Variants in FCHSD1 observed in about 807,000 individuals in gnomAD.
FCHSD1 encodes the protein FCH and double SH3 domains 1.
A neutral mutation model predicts 101.3 loss-of-function variants in FCHSD1; 109 were observed. The observed-to-expected ratio is 1.08, with a 90% CI of 0.92 to 1.26. The LOEUF (loss-of-function observed/expected upper bound fraction) is 1.26. FCHSD1 is among the 50% of genes most tolerant of loss of function. FCHSD1 has a pLI of 0.00. For synonymous variants in FCHSD1, 291 were observed against 356.8 expected, an observed-to-expected ratio of 0.82 and a Z score of 2.08; for missense variants, 820 against 895.8, an observed-to-expected ratio of 0.92 and a Z score of 1.08.
chr5:141,642,335 TC>T, intron 18 of FCHSD1: 2 of 651,694 alleles, frequency 3.1e-6, no homozygotes, highest in Non-Finnish European at 5.4e-6. Context: ...AATAACAGAC[TC>T]CCAGGACTCC....
chr5:141,645,970 G>A (rs2154598409), intron 12 of FCHSD1, 38 bp from the exon 13 acceptor site: 1 of 1,547,638 alleles, frequency 6.5e-7, no homozygotes, highest in Non-Finnish European at 8.7e-7. Context: ...GAACCTGGCT[G>A]ACGGCAGTGT....
Position 141,640,328 on chromosome 5 carries a change from G to A in FCHSD1, c.*1170C>T, listed in dbSNP as rs758921383. On this transcript the variant is annotated 3_prime_UTR_variant, in exon 20 of 20. Coordinates refer to ENST00000435817, the MANE Select transcript of FCHSD1 (RefSeq NM_033449.3). ...AACACAGCCGGGACTGCACTGGGCT[G>A]GGCTCTTATTGCTCTCTACTCTGGG... 2 of 1,613,970 alleles carry A rather than the reference G, an allele frequency of 1.2e-6. No individual in the cohort carries two copies. Among genetic ancestry groups the A allele is most frequent in the Non-Finnish European group, 1.7e-6 (2 of 1,179,918 alleles).
chr5:141,640,964 A>G lies in FCHSD1; in HGVS notation c.*534T>C, dbSNP rs2099906815. On this transcript the variant is annotated 3_prime_UTR_variant, in exon 20 of 20. Transcript: ENST00000435817. ...CTGCCCGTGGTGGGCCCCTAAAGCA[A>G]TAGCACCGTAGGCCCCCTGCCCTCT... 6.2e-6 allele frequency: 3 copies of G among 487,662 alleles called. No individual in the cohort carries two copies. Among genetic ancestry groups the G allele is most frequent in the Non-Finnish European group, 7.2e-6 (2 of 276,654 alleles). The allele number at this position is 487,662 out of a possible 1,614,324, so 30.2% of individuals were successfully genotyped here.
chr5:141,651,204 G>C, intron 1 of FCHSD1, 87 bp from the exon 2 acceptor site: 1 of 1,489,136 alleles, frequency 6.7e-7, no homozygotes, highest in Admixed American at 2.0e-5. Context: ...CGGGGCCGGG[G>C]GGGTGCTGAG....
chr5:141,644,667 T>A lies in FCHSD1; in HGVS notation c.1548A>T (p.Val516=). The A allele has an allele frequency of 6.2e-7, 1 of 1,613,934 alleles. No homozygotes were observed. The change falls in exon 16 of 20, where the codon GTA becomes GTT. Residue 516 remains valine (V), a synonymous_variant. Transcript: ENST00000435817. ...WVKARNQHGE[V]GFVPERYLNF... is the part of the protein sequence containing the mutation. ...TGAGATATCGCTCAGGGACAAAGCC[T>A]ACCTCGCCGTGCTGGTTCCGAGCCT...
In FCHSD1 at chr5:141,640,849, TCTC is replaced by T. The variant is rs2099906792; in HGVS notation, c.*646_*648del. On this transcript the variant is annotated 3_prime_UTR_variant, in exon 20 of 20. Coordinates refer to ENST00000435817, the MANE Select transcript of FCHSD1 (RefSeq NM_033449.3). ...GAGAGGTCACAGCCCCTCAGTCTCTTCTCCTTCCCCTGCCTGCAACAGGCTGCC... is the reference window on the plus strand; with the variant it reads ...GAGAGGTCACAGCCCCTCAGTCTCTTCTTCCCCTGCCTGCAACAGGCTGCC... 3 of 609,094 alleles carry T rather than the reference TCTC, an allele frequency of 4.9e-6. No homozygotes were observed. The highest frequency in any genetic ancestry group is 8.5e-6 in the Non-Finnish European group (3 of 351,702). The allele number at this position is 609,094 out of a possible 1,614,324, so 37.7% of individuals were successfully genotyped here.
rs1398806224 is a variant in FCHSD1, at chr5:141,639,989, G to A, written c.*1509C>T. 5.0e-6 allele frequency: 8 copies of A among 1,613,788 alleles called. No homozygotes were observed. The highest frequency in any genetic ancestry group is 6.8e-6 in the Non-Finnish European group (8 of 1,179,860). On this transcript the variant is annotated 3_prime_UTR_variant, in exon 20 of 20. Coordinates refer to ENST00000435817, the MANE Select transcript of FCHSD1 (RefSeq NM_033449.3). The surrounding 1 kb of genome is among the most constrained non-coding windows in gnomAD (Gnocchi z 4.4). ...ACCGTGATGGCTCCCCCACAGACAG[G>A]AGCTGGGGCTCTGGTGGGGGACAGG...
At position 141,642,981 on chromosome 5, in the gene FCHSD1, T is replaced by G; in HGVS notation, c.1951+20A>C. On this transcript the variant is annotated intron_variant, in intron 18 of 19. Transcript: ENST00000435817. ...TTCCTGTCTGTTAGCCTCCCAAGGC[T>G]CCCAGTTCCTTCCACTCACCCCCAG... 6.4e-7 allele frequency: 1 copy of G among 1,553,582 alleles called. No homozygotes were observed. Among genetic ancestry groups the G allele is most frequent in the Non-Finnish European group, 8.7e-7 (1 of 1,148,840 alleles).
chr5:141,649,632 G>A lies in FCHSD1; in HGVS notation c.234-96C>T, dbSNP rs1218155223. ...CCCCTGACCAACACCATGGGAGACA[G>A]AGTGCTTTCCCATCCTCCCTTGTCT... On this transcript the variant is annotated intron_variant, in intron 4 of 19. Coordinates refer to ENST00000435817, the MANE Select transcript of FCHSD1 (RefSeq NM_033449.3). The surrounding 1 kb of genome is among the most constrained non-coding windows in gnomAD (Gnocchi z 4.1). 3 of 1,460,566 alleles carry A rather than the reference G, an allele frequency of 2.1e-6. No homozygotes were observed. The African/African-American group carries it at 4.2e-5, about 21-fold the overall frequency. 90.5% of individuals were successfully genotyped at this position (1,460,566 alleles called of 1,614,324 possible). A position where few individuals can be genotyped will look rare whatever the true frequency, so the allele number is the denominator to read the frequency against.
In FCHSD1 at chr5:141,644,210, A is replaced by G. The variant is rs766598004; in HGVS notation, c.1863+8T>C. 3.7e-6 allele frequency: 6 copies of G among 1,605,900 alleles called. No homozygotes were observed. Among genetic ancestry groups the G allele is most frequent in the Non-Finnish European group, 4.3e-6 (5 of 1,176,432 alleles). ...GCCTGGGGAGTTCAGGGAGAAGGTA[A>G]GCCTCACCTGTTCAGGGTCAGAGAG... On this transcript the variant is annotated splice_region_variant and intron_variant, in intron 17 of 19. Coordinates refer to ENST00000435817, the MANE Select transcript of FCHSD1 (RefSeq NM_033449.3).
chr5:141,644,139 A>C (rs919178125), intron 17 of FCHSD1, 79 bp downstream of exon 17: 14 of 1,329,298 alleles, frequency 1.1e-5, no homozygotes, highest in Non-Finnish European at 1.4e-5. Context: ...GGAGGCATTA[A>C]GATGAATATG....
At position 141,649,624 on chromosome 5, in the gene FCHSD1, G is replaced by A. The variant is rs904629481; in HGVS notation, c.234-88C>T. ...CCCCCTGCCCCCTGACCAACACCAT[G>A]GGAGACAGAGTGCTTTCCCATCCTC... On this transcript the variant is annotated intron_variant, in intron 4 of 19. Coordinates refer to ENST00000435817, the MANE Select transcript of FCHSD1 (RefSeq NM_033449.3). This position sits in a 1 kb window ranked among gnomAD's most constrained non-coding sequence, Gnocchi z 4.1. 5.4e-6 allele frequency: 8 copies of A among 1,485,516 alleles called. No individual in the cohort carries two copies. The highest frequency in any genetic ancestry group is 2.2e-5 in the Admixed American group (1 of 45,150). 92.0% of individuals were successfully genotyped at this position (1,485,516 alleles called of 1,614,324 possible). A position where few individuals can be genotyped will look rare whatever the true frequency, so the allele number is the denominator to read the frequency against.
chr5:141,647,318 G>A (rs2099907778), intron 9 of FCHSD1, 80 bp downstream of exon 9: 3 of 1,564,560 alleles, frequency 1.9e-6, no homozygotes, highest in African/African-American at 1.4e-5. Flanking sequence ...AAAGGACAAT[G>A]TGTGAAGCAA....
Position 141,649,022 on chromosome 5 carries a change from T to C in FCHSD1, c.513-2A>G, listed in dbSNP as rs1417864475. Reference sequence around the variant, plus strand: ...ATCCCATGGTCACTTCGGTTTAGCCTGTGCAGATGAGAGAAAGGAGTCAGG... The same window carrying C: ...ATCCCATGGTCACTTCGGTTTAGCCCGTGCAGATGAGAGAAAGGAGTCAGG... On this transcript the variant is annotated splice_acceptor_variant, in intron 6 of 19. Transcript: ENST00000435817. LOFTEE classifies it high-confidence loss of function. This position sits in a 1 kb window ranked among gnomAD's most constrained non-coding sequence, Gnocchi z 4.1. 4.3e-6 allele frequency: 7 copies of C among 1,613,886 alleles called. No individual in the cohort carries two copies. The African/African-American group carries it at 9.3e-5, about 22-fold the overall frequency.
intron 7 of FCHSD1, 71 bp downstream of exon 7, chr5:141,648,886 C>T: frequency 6.4e-7 from 1 of 1,561,452 alleles, no homozygotes; most frequent in East Asian, 2.2e-5. Context: ...ACATATGCAC[C>T]TATGTTCCAA....
intron 9 of FCHSD1, 22 bp from the exon 10 acceptor site, chr5:141,647,252 A>C (rs1298070802): frequency 1.9e-6 from 3 of 1,591,650 alleles, no homozygotes; most frequent in Non-Finnish European, 2.6e-6. Flanking sequence ...GAAAAGTCAA[A>C]GTCACTCATT....
At chr5:141,651,281 C>T in intron 1 of FCHSD1, 67 bp downstream of exon 1, 13 of 1,550,156 alleles carry the variant, frequency 8.4e-6, no homozygotes, top group Non-Finnish European at 1.1e-5. Context: ...TACCACAAGT[C>T]GGATGCCCCC....
At position 141,643,002 on chromosome 5, in the gene FCHSD1, C is replaced by T. The variant is rs118093952; in HGVS notation, c.1950G>A (p.Gly650=). Residue 650 remains glycine (G), a splice_region_variant and synonymous_variant, in exon 18 of 20, where the codon GGG becomes GGA. Coordinates refer to ENST00000435817, the MANE Select transcript of FCHSD1 (RefSeq NM_033449.3). ...LDGPPAPVLP[G]DKALDFPGFL... is the part of the protein sequence containing the mutation. The stretch of plus-strand genomic sequence containing the variant: ...AGGCTCCCAGTTCCTTCCACTCACC[C>T]CCAGGCAGGACAGGTGCAGGGGGCC... 2,086 of 1,562,578 alleles carry T rather than the reference C, an allele frequency of 1.3e-3. 45 individuals are homozygous for T. In the East Asian group the frequency reaches 0.041, roughly 31 times the overall value.
rs750065628 is a variant in FCHSD1 at position 141,641,560 on chromosome 5, G to A, written c.2011C>T (p.Arg671Cys). Residue 671 changes from arginine to cysteine, a missense_variant, in exon 20 of 20, where the codon CGT becomes TGT. Transcript: ENST00000435817. ...DMMAPRLRPMRPPPPPPAKAP... is the reference protein window; with the variant it reads ...DMMAPRLRPMCPPPPPPAKAP... Reference sequence around the variant, plus strand: ...TTAGCCGGCGGGGGAGGTGGTGGACGCATCTGTAGGGAACACACAGTTAGT... The same window carrying A: ...TTAGCCGGCGGGGGAGGTGGTGGACACATCTGTAGGGAACACACAGTTAGT... 32 of 1,538,300 alleles carry A rather than the reference G, an allele frequency of 2.1e-5. No homozygotes were observed. In the East Asian group the frequency reaches 2.3e-4, roughly 11 times the overall value.
Sources: allele counts gnomAD v4.1 joint callset, GRCh38; gene constraint gnomAD v4.1.1; non-coding constraint Gnocchi (gnomAD v3.1); transcripts MANE v1.5; gene names NCBI Gene and HGNC (gene_info 2026-07-23, HGNC 2026-07-21).